The following ADGRL3 variants were observed in gnomAD, a reference collection of about 807,000 sequenced individuals.
ADGRL3 encodes the protein calcium-independent alpha-latrotoxin receptor 3.
In ADGRL3, 62 loss-of-function variants were observed where a neutral mutation model predicts 153.5. The ratio of observed to expected loss-of-function variants is 0.40; its 90% CI spans 0.33 to 0.50. The LOEUF (loss-of-function observed/expected upper bound fraction) is 0.50, where lower values mean the gene tolerates loss of function less well. ADGRL3 is among the 20% of genes least tolerant of loss of function. The probability of loss-of-function intolerance (pLI) is 0.47; values close to 1 mark genes in which losing one functional copy is unlikely to be tolerated. For missense variants in ADGRL3, 1,641 were observed against 1,859.4 expected, an observed-to-expected ratio of 0.88 and a Z score of 2.16; for synonymous variants, 710 against 672.5, an observed-to-expected ratio of 1.06 and a Z score of -0.86.
At chr4:61,954,190 T>G (rs934311559) in intron 17 of ADGRL3, among the ~76,000 whole-genome samples, 1 of 152,132 alleles carries the variant, frequency 6.6e-6, no homozygotes, top group African/African-American at 2.4e-5. Context: ...AAGGCTACTC[T>G]GTTCTTTCAG....
chr4:61,793,017 A>T (rs2097362809), intron 8 of ADGRL3, among the ~76,000 whole-genome samples: 1 of 151,894 alleles, frequency 6.6e-6, no homozygotes, highest in Non-Finnish European at 1.5e-5. Flanking sequence ...TCACAGTTCC[A>T]TGTGGCTGGG....
intron 1 of ADGRL3, among the ~76,000 whole-genome samples, chr4:61,223,010 T>A (rs948910755): frequency 1.3e-4 from 20 of 152,158 alleles, no homozygotes; most frequent in African/African-American, 4.8e-4. Flanking sequence ...ATGTTGATGT[T>A]TGTCTAGGCT....
chr4:61,643,470 C>A (rs1451923287), intron 5 of ADGRL3, among the ~76,000 whole-genome samples: 1 of 151,746 alleles, frequency 6.6e-6, no homozygotes, highest in East Asian at 1.9e-4. Flanking sequence ...CCCATCAATA[C>A]CTAATTTATT....
At chr4:61,757,256 T>C (rs985915206) in intron 8 of ADGRL3, among the ~76,000 whole-genome samples, 5 of 152,082 alleles carry the variant, frequency 3.3e-5, no homozygotes, top group African/African-American at 1.2e-4. Context: ...GTCCTGGACT[T>C]TTTTTGGTTG....
intron 2 of ADGRL3, among the ~76,000 whole-genome samples, chr4:61,484,580 A>G (rs1318328126): frequency 6.6e-6 from 1 of 152,186 alleles, no homozygotes; most frequent in Non-Finnish European, 1.5e-5. Flanking sequence ...GGAGCCAAAT[A>G]TTAAACATTA....
At chr4:61,673,354 C>A (rs957226598) in intron 5 of ADGRL3, among the ~76,000 whole-genome samples, 8 of 151,844 alleles carry the variant, frequency 5.3e-5, no homozygotes, top group Non-Finnish European at 8.9e-5. Flanking sequence ...GTTAATTAGC[C>A]TTATTGTGGT....
chr4:61,948,042 C>G, intron 16 of ADGRL3, 58 bp from the exon 17 acceptor site: 1 of 1,407,374 alleles, frequency 7.1e-7, no homozygotes, highest in African/African-American at 1.4e-5. Flanking sequence ...AAAATGCCAA[C>G]CTAATTTACA....
intron 1 of ADGRL3, among the ~76,000 whole-genome samples, chr4:61,340,830 G>A (rs1228345654): frequency 2.0e-5 from 3 of 148,002 alleles, no homozygotes; most frequent in Non-Finnish European, 4.5e-5. Context: ...GTGTGTTTGT[G>A]TATATATATA....
At chr4:61,492,621 A>G (rs2152788270) in intron 2 of ADGRL3, among the ~76,000 whole-genome samples, 1 of 152,220 alleles carries the variant, frequency 6.6e-6, no homozygotes, top group South Asian at 2.1e-4. Context: ...TCAAGATGAA[A>G]GTTTCCAGAA....
intron 1 of ADGRL3, among the ~76,000 whole-genome samples, chr4:61,281,454 AT>A (rs2093722709): frequency 6.6e-6 from 1 of 152,156 alleles, no homozygotes; most frequent in East Asian, 1.9e-4. Context: ...AGGACTTACA[AT>A]GCTTGCAGGT....
chr4:61,358,361 G>C (rs1454385306), intron 1 of ADGRL3, among the ~76,000 whole-genome samples: 1 of 151,998 alleles, frequency 6.6e-6, no homozygotes, highest in Admixed American at 6.6e-5. Context: ...ACTTTGGGAG[G>C]CCAAGGTGGG....
chr4:61,853,609 C>T (rs2015569), intron 9 of ADGRL3, among the ~76,000 whole-genome samples: 26,815 of 152,106 alleles, frequency 0.18, 3,094 homozygotes, highest in African/African-American at 0.33. Context: ...ACATTTCCCC[C>T]GTAGAGACAC....
rs2099075474 is a variant in ADGRL3 at position 61,983,479 on chromosome 4, G to A, written c.3112G>A (p.Val1038Met). Reference protein sequence around the residue: ...LEGVQLYIMLVEVFESEHSRR... With the variant: ...LEGVQLYIMLMEVFESEHSRR... ...GGGGGTGCAGCTTTATATCATGCTGGTGGAGGTTTTTGAGAGTGAACATTC... is the reference window on the plus strand; with the variant it reads ...GGGGGTGCAGCTTTATATCATGCTGATGGAGGTTTTTGAGAGTGAACATTC... The change falls in exon 19 of 27, where the codon GTG becomes ATG. Residue 1038 changes from valine (V) to methionine (M), a missense_variant. Val to Met is a conservative substitution (Grantham distance 21). Transcript: ENST00000683033. 2 of 1,613,934 alleles carry A rather than the reference G, an allele frequency of 1.2e-6. No individual in the cohort carries two copies. The highest frequency in any genetic ancestry group is 2.2e-5 in the East Asian group (1 of 44,862).
chr4:61,531,367 T>A lies in ADGRL3; in HGVS notation c.259+13849T>A, dbSNP rs139752778. On this transcript the variant is annotated intron_variant, in intron 4 of 26. Transcript: ENST00000683033. The stretch of plus-strand genomic sequence containing the variant: ...ACATTTCAGTTGTTTGCTTCTGGGC[T>A]TTGTAGAAGCTGCTCACTAATCCCC... Among the ~76,000 whole-genome samples, 412 of 152,286 alleles carry A rather than the reference T, an allele frequency of 2.7e-3. 3 individuals are homozygous for A. The highest frequency in any genetic ancestry group is 8.6e-3 in the African/African-American group (356 of 41,558).
chr4:62,064,453 A>C (rs984533804), intron 25 of ADGRL3, among the ~76,000 whole-genome samples: 1 of 152,062 alleles, frequency 6.6e-6, no homozygotes, highest in African/African-American at 2.4e-5. Context: ...CTTAAAATAC[A>C]TCATATGTAA....
rs144406750 is a variant in ADGRL3, at chr4:61,868,759, A to G, written c.1481-23897A>G. Among the ~76,000 whole-genome samples the G allele has an allele frequency of 4.2e-3, 636 of 152,226 alleles. 2 individuals carry two copies. The highest frequency in any genetic ancestry group is 0.014 in the African/African-American group (584 of 41,542). Reference sequence around the variant, plus strand: ...AGACAATTAAAGTCCTTGGCAAGGCATTTCCAGCTGCTGAAAAGTTTCACC... The same window carrying G: ...AGACAATTAAAGTCCTTGGCAAGGCGTTTCCAGCTGCTGAAAAGTTTCACC... On this transcript the variant is annotated intron_variant, in intron 9 of 26. Coordinates refer to ENST00000683033, the MANE Select transcript of ADGRL3 (RefSeq NM_001387552.1).
At chr4:61,455,813 T>TTTTA (rs1287395453) in intron 2 of ADGRL3, among the ~76,000 whole-genome samples, 2 of 151,936 alleles carry the variant, frequency 1.3e-5, no homozygotes, top group East Asian at 1.9e-4. Flanking sequence ...TCCTACATTA[T>TTTTA]TTTATTTATT....
At chr4:61,453,975 A>G (rs1032877568) in intron 2 of ADGRL3, among the ~76,000 whole-genome samples, 17 of 152,136 alleles carry the variant, frequency 1.1e-4, no homozygotes, top group Admixed American at 7.9e-4. Flanking sequence ...ACCTTAAATT[A>G]CTTTCAAATT....
chr4:61,740,651 T>A (rs1490164562), intron 8 of ADGRL3, among the ~76,000 whole-genome samples: 2 of 152,172 alleles, frequency 1.3e-5, no homozygotes, highest in Non-Finnish European at 2.9e-5. Context: ...AGGTTCAAAT[T>A]GGTAATAACA....
Sources: allele counts gnomAD v4.1 joint callset (sites outside exome capture counted in the v4.1 genomes callset), GRCh38; gene constraint gnomAD v4.1.1; transcripts MANE v1.5; gene names NCBI Gene and HGNC (gene_info 2026-07-23, HGNC 2026-07-21).